Variants in AUTS2 observed in about 807,000 individuals in gnomAD.
The protein encoded by AUTS2 is autism susceptibility gene 2 protein.
In AUTS2, 17 loss-of-function variants were observed where a neutral mutation model predicts 112.4. The ratio of observed to expected loss-of-function variants is 0.15; its 90% CI spans 0.10 to 0.23. The LOEUF is 0.23. Among genes scored for constraint, AUTS2 ranks in the 10% least tolerant of loss-of-function variants. The pLI, the probability that AUTS2 is intolerant of heterozygous loss-of-function variation, is 1.00. For missense variants in AUTS2, 1,510 were observed against 1,701.6 expected, an observed-to-expected ratio of 0.89 and a Z score of 1.98; for synonymous variants, 751 against 702.7, an observed-to-expected ratio of 1.07 and a Z score of -1.09.
chr7:70,375,297 T>C (rs974323998), intron 4 of AUTS2, among the ~76,000 whole-genome samples: 6 of 152,196 alleles, frequency 3.9e-5, no homozygotes, highest in South Asian at 2.1e-4. Flanking sequence ...TGAGATTCCA[T>C]TGGAGGTCAT....
intron 1 of AUTS2, among the ~76,000 whole-genome samples, chr7:69,621,855 G>T (rs1437617725): frequency 6.6e-6 from 1 of 151,940 alleles, no homozygotes; most frequent in Non-Finnish European, 1.5e-5. Context: ...AGAGCCATTC[G>T]CAGACTTTAG....
chr7:69,982,310 C>T (rs1798327969), intron 2 of AUTS2, among the ~76,000 whole-genome samples: 1 of 152,156 alleles, frequency 6.6e-6, no homozygotes, highest in Non-Finnish European at 1.5e-5. Flanking sequence ...CCTTCTCTCT[C>T]AGGGGACTGA....
In AUTS2 at chr7:70,455,627, C is replaced by G. The variant is rs1796708970; in HGVS notation, c.690+19846C>G. On this transcript the variant is annotated intron_variant, in intron 5 of 18. Transcript: ENST00000342771. ...TGGCAATACCCTGGACATTCCGATT[C>G]AGAAGTTTCTTAGGCAGGTGTGGTG... 2.0e-5 allele frequency among the ~76,000 whole-genome samples: 3 copies of G among 152,100 alleles called. No individual in the cohort carries two copies. In the South Asian group the frequency reaches 6.2e-4, roughly 32 times the overall value.
rs560434856 is a variant in AUTS2, at chr7:70,310,779, C to T, written c.661-124973C>T. Among the ~76,000 whole-genome samples the T allele has an allele frequency of 5.3e-5, 8 of 152,236 alleles. No homozygotes were observed. The South Asian group carries it at 1.7e-3, about 32-fold the overall frequency. The stretch of plus-strand genomic sequence containing the variant: ...GAGAGAAATAGAATGCAAAACACAG[C>T]TCCCTTTTGATGAATTGGCTCCTGG... On this transcript the variant is annotated intron_variant, in intron 4 of 18. Transcript: ENST00000342771.
intron 1 of AUTS2, among the ~76,000 whole-genome samples, chr7:69,623,329 TCTC>T (rs905493366): frequency 4.0e-5 from 6 of 150,340 alleles, no homozygotes; most frequent in Middle Eastern, 3.5e-3. Flanking sequence ...CTCAAGCAGT[TCTC>T]CTGCCTTAGC....
chr7:70,736,205 ATAGT>A lies in AUTS2; in HGVS notation c.743-26661_743-26658del, dbSNP rs546856081. On this transcript the variant is annotated intron_variant, in intron 6 of 18. Coordinates refer to ENST00000342771, the MANE Select transcript of AUTS2 (RefSeq NM_015570.4). ...AATGAAAGGCAAGATTATTCATCAG[ATAGT>A]TAGGTCTTCATCTTACACCGGAATA... Among the ~76,000 whole-genome samples the A allele has an allele frequency of 9.8e-4, 149 of 152,250 alleles. 1 individual carries two copies. The highest frequency in any genetic ancestry group is 3.4e-3 in the African/African-American group (143 of 41,568).
At chr7:69,843,411 A>G (rs1267382190) in intron 1 of AUTS2, among the ~76,000 whole-genome samples, 3 of 152,146 alleles carry the variant, frequency 2.0e-5, no homozygotes, top group South Asian at 2.1e-4. Flanking sequence ...ACAGGTATAT[A>G]TAAGAGGTCA....
intron 2 of AUTS2, among the ~76,000 whole-genome samples, chr7:69,927,163 G>C (rs945766689): frequency 6.9e-6 from 1 of 144,896 alleles, no homozygotes; most frequent in Non-Finnish European, 1.5e-5. Flanking sequence ...CTTAACATTT[G>C]AATGGAAAAT....
intron 4 of AUTS2, among the ~76,000 whole-genome samples, chr7:70,431,039 G>A (rs1795642660): frequency 1.3e-5 from 2 of 151,834 alleles, no homozygotes; most frequent in South Asian, 2.1e-4. Flanking sequence ...GGGTTTCACC[G>A]TTTTAGCCGG....
In AUTS2 at chr7:69,926,241, G is replaced by A. The variant is rs1035274790; in HGVS notation, c.522+26743G>A. 2.0e-5 allele frequency among the ~76,000 whole-genome samples: 3 copies of A among 152,176 alleles called. 1 individual carries two copies. The highest frequency in any genetic ancestry group is 2.9e-5 in the Non-Finnish European group (2 of 68,030). On this transcript the variant is annotated intron_variant, in intron 2 of 18. Transcript: ENST00000342771. ...ATTTTTTGCCTGCTTGTTCTATCAA[G>A]AGAGGTATATTGATGTCTCTGGCTA...
rs573278150 is a variant in AUTS2 at position 70,097,509 on chromosome 7, A to T, written c.523-20623A>T. 4.6e-5 allele frequency among the ~76,000 whole-genome samples: 7 copies of T among 152,308 alleles called. 1 individual carries two copies. In the East Asian group the frequency reaches 1.4e-3, roughly 29 times the overall value. Reference sequence around the variant, plus strand: ...CACTTAGCACTTCCACTAATTCCACATTATCAGAGATTGTTTGGAGAGCAT... The same window carrying T: ...CACTTAGCACTTCCACTAATTCCACTTTATCAGAGATTGTTTGGAGAGCAT... On this transcript the variant is annotated intron_variant, in intron 2 of 18. Transcript: ENST00000342771.
At chr7:70,729,107 TGG>T in intron 6 of AUTS2, 1 of 455,374 alleles carries the variant, frequency 2.2e-6, no homozygotes, top group South Asian at 1.6e-5. Context: ...ATTTACAAAA[TGG>T]GGCGAAAACG....
chr7:70,373,062 C>T (rs909861091), intron 4 of AUTS2, among the ~76,000 whole-genome samples: 3 of 151,546 alleles, frequency 2.0e-5, no homozygotes, highest in African/African-American at 4.8e-5. Flanking sequence ...TTAAACACTG[C>T]GAGATTGCTG....
At chr7:70,251,012 C>T (rs1786562148) in intron 4 of AUTS2, among the ~76,000 whole-genome samples, 1 of 151,718 alleles carries the variant, frequency 6.6e-6, no homozygotes. Context: ...GAACCCAAAA[C>T]AAAAATTAAA....
intron 2 of AUTS2, among the ~76,000 whole-genome samples, chr7:70,078,947 G>A (rs1177396383): frequency 2.0e-5 from 3 of 152,164 alleles, no homozygotes; most frequent in African/African-American, 7.2e-5. Flanking sequence ...TAAAATAACT[G>A]TTAATGTCAA....
At chr7:70,249,099 T>C (rs950018474) in intron 4 of AUTS2, among the ~76,000 whole-genome samples, 19 of 152,356 alleles carry the variant, frequency 1.2e-4, no homozygotes, top group Non-Finnish European at 2.8e-4. Flanking sequence ...TTCAAGATTC[T>C]ACACTGTTAC....
At chr7:69,695,999 A>G (rs6962338) in intron 1 of AUTS2, among the ~76,000 whole-genome samples, 4,280 of 152,338 alleles carry the variant, frequency 0.028, 79 homozygotes, top group South Asian at 0.045. Context: ...GCCCTGAATG[A>G]AAACGTATTA....
intron 1 of AUTS2, among the ~76,000 whole-genome samples, chr7:69,894,900 A>G (rs1309459864): frequency 1.3e-5 from 2 of 152,298 alleles, no homozygotes; most frequent in East Asian, 1.9e-4. Context: ...TCTGATGGAC[A>G]GTTTCTCTTG....
intron 1 of AUTS2, among the ~76,000 whole-genome samples, chr7:69,795,147 TTGC>T: frequency 6.6e-6 from 1 of 152,212 alleles, no homozygotes; most frequent in Non-Finnish European, 1.5e-5. Context: ...AGCTCTAAGT[TTGC>T]TGCTACTACT....
Sources: gnomAD v4.1 joint callset for allele counts (sites outside exome capture counted in the v4.1 genomes callset) on GRCh38, gnomAD v4.1.1 for gene constraint, MANE v1.5 for transcripts, NCBI Gene and HGNC (gene_info 2026-07-23, HGNC 2026-07-21) for gene names.